The following ALS2 variants were observed in gnomAD, a reference collection of about 807,000 sequenced individuals.
ALS2 encodes the protein alsin Rho guanine nucleotide exchange factor ALS2.
A neutral mutation model predicts 203.4 loss-of-function variants in ALS2; 117 were observed. The ratio of observed to expected loss-of-function variants is 0.58; its 90% confidence interval spans 0.50 to 0.67. The LOEUF (loss-of-function observed/expected upper bound fraction) is 0.67. Among genes scored for constraint, ALS2 ranks in the 30% least tolerant of loss-of-function variants. The pLI is 0.00. For missense variants in ALS2, 1,715 were observed against 1,989.4 expected, an observed-to-expected ratio of 0.86 and a Z score of 2.62; for synonymous variants, 718 against 725.9, an observed-to-expected ratio of 0.99 and a Z score of 0.17.
At position 201,723,381 on chromosome 2, in the gene ALS2, AACC is replaced by A; in HGVS notation, c.3570_3572del (p.Val1191del). 6.2e-7 allele frequency: 1 copy of A among 1,614,142 alleles called. No individual in the cohort carries two copies. The highest frequency in any genetic ancestry group is 8.5e-7 in the Non-Finnish European group (1 of 1,179,982). On this transcript the variant is annotated inframe_deletion, in exon 22 of 34. Coordinates refer to ENST00000264276, the MANE Select transcript of ALS2 (RefSeq NM_020919.4). ...CCTCGTAGTATAATCCAAACTGGGT[AACC>A]ACCACACCATTCCCTTGACACACAT...
intron 23 of ALS2, among the ~76,000 whole-genome samples, chr2:201,721,717 A>C (rs1260232165): frequency 3.9e-5 from 6 of 152,234 alleles, no homozygotes; most frequent in Admixed American, 2.0e-4. Context: ...AGGCTGGAGC[A>C]CAGTGCCACG....
In ALS2 at chr2:201,760,250, G is replaced by A. The variant is rs547353543; in HGVS notation, c.1113+631C>T. 57 of 811,958 alleles carry A rather than the reference G, an allele frequency of 7.0e-5. No individual in the cohort carries two copies. In the East Asian group the frequency reaches 6.1e-3, roughly 87 times the overall value. 50.3% of individuals were successfully genotyped at this position (811,958 alleles called of 1,614,324 possible). A position where few individuals can be genotyped will look rare whatever the true frequency, so the allele number is the denominator to read the frequency against. ...CGCTTGAACCTGGGAGATCGAGGCTGCAGTGAGCCACAATCGCATTACTGC... is the reference window on the plus strand; with the variant it reads ...CGCTTGAACCTGGGAGATCGAGGCTACAGTGAGCCACAATCGCATTACTGC... On this transcript the variant is annotated intron_variant, in intron 4 of 33. Transcript: ENST00000264276.
Position 201,727,416 on chromosome 2 carries a change from C to T in ALS2, c.2913-138G>A, listed in dbSNP as rs145648881. ...ATGTAAATGCTTGCTTGGTTTTGGG[C>T]GCCACCACGGTGGAAAGAACAAAGA... On this transcript the variant is annotated intron_variant, in intron 16 of 33. Transcript: ENST00000264276. 6.6e-4 allele frequency: 551 copies of T among 835,948 alleles called. No individual in the cohort carries two copies. The African/African-American group carries it at 7.3e-3, about 11-fold the overall frequency. The allele number at this position is 835,948 out of a possible 1,614,324, so 51.8% of individuals were successfully genotyped here.
chr2:201,732,938 A>G (rs1472608292), intron 13 of ALS2, among the ~76,000 whole-genome samples: 1 of 152,222 alleles, frequency 6.6e-6, no homozygotes, highest in African/African-American at 2.4e-5. Context: ...CCAGGGCTTT[A>G]AAGAGCTCTG....
rs775462492 is a variant in ALS2 at position 201,733,443 on chromosome 2, AG to A, written c.2418-6del. The A allele has an allele frequency of 8.1e-6, 13 of 1,612,866 alleles. No individual in the cohort carries two copies. In the South Asian group the frequency reaches 1.4e-4, roughly 18 times the overall value. ...TGGTTTTTATTTAGGAAATCACTAG[AG>A]GCAGAGGAAAAAAAAATTTAGTTAA... On this transcript the variant is annotated splice_region_variant and splice_polypyrimidine_tract_variant and intron_variant, in intron 12 of 33. Coordinates refer to ENST00000264276, the MANE Select transcript of ALS2 (RefSeq NM_020919.4).
Position 201,726,842 on chromosome 2 carries a change from G to A in ALS2, c.3004C>T (p.Gln1002Ter), listed in dbSNP as rs1463942549. The change falls in exon 18 of 34, where the codon CAA becomes TAA. Residue 1002 changes from glutamine (Q) to a stop codon, truncating the protein, a stop_gained. Coordinates refer to ENST00000264276, the MANE Select transcript of ALS2 (RefSeq NM_020919.4). LOFTEE classifies it high-confidence loss of function. ...CCTCTCAAAGCCTGATCTACGGCTT[G>A]GCTTATAGCTCGTAGCCACTTTGTC... is the stretch of plus-strand genomic sequence containing the variant. ...EKTKWLRAIS[Q>*]AVDQALRGMS... 6 of 1,613,894 alleles carry A rather than the reference G, an allele frequency of 3.7e-6. No homozygotes were observed. In the African/African-American group the frequency reaches 8.0e-5, roughly 22 times the overall value.
At chr2:201,758,967 G>A (rs544161756) in intron 4 of ALS2, among the ~76,000 whole-genome samples, 2 of 152,148 alleles carry the variant, frequency 1.3e-5, no homozygotes, top group South Asian at 2.1e-4. Context: ...TTAATAAAAC[G>A]AAAAAGAAAT....
chr2:201,706,255 G>A (rs1355684334), intron 29 of ALS2, among the ~76,000 whole-genome samples: 3 of 151,074 alleles, frequency 2.0e-5, no homozygotes, highest in Non-Finnish European at 3.0e-5. Flanking sequence ...GCATGGTGCC[G>A]TGCGCCTGTA....
Position 201,701,818 on chromosome 2 carries a change from GTAGA to G in ALS2, c.*29_*32del, listed in dbSNP as rs774038233. On this transcript the variant is annotated 3_prime_UTR_variant, in exon 34 of 34. Coordinates refer to ENST00000264276, the MANE Select transcript of ALS2 (RefSeq NM_020919.4). ...CCAGATGGTGTTATAACACTCTGTAGTAGATAATCCAGTTTTCAAGCTGTTATGC... is the reference window on the plus strand; with the variant it reads ...CCAGATGGTGTTATAACACTCTGTAGTAATCCAGTTTTCAAGCTGTTATGC... 5.6e-6 allele frequency: 9 copies of G among 1,606,404 alleles called. No homozygotes were observed. The highest frequency in any genetic ancestry group is 1.7e-4 in the Middle Eastern group (1 of 6,058).
intron 7 of ALS2, 56 bp downstream of exon 7, chr2:201,753,087 CAAT>C: frequency 7.4e-7 from 1 of 1,343,056 alleles, no homozygotes; most frequent in South Asian, 1.2e-5. Flanking sequence ...GAGGGTCCAA[CAAT>C]GTCATGTTGG....
intron 8 of ALS2, among the ~76,000 whole-genome samples, chr2:201,748,793 C>T (rs1298319154): frequency 6.6e-6 from 1 of 152,074 alleles, no homozygotes; most frequent in East Asian, 1.9e-4. Context: ...TTAAGTTCAC[C>T]AAAAGGAAAG....
chr2:201,738,448 C>T, intron 12 of ALS2: 1 of 551,492 alleles, frequency 1.8e-6, no homozygotes, highest in Non-Finnish European at 3.3e-6. Flanking sequence ...GGACCCCGAA[C>T]CTGAGCCTAG....
At position 201,723,416 on chromosome 2, in the gene ALS2, G is replaced by A. The variant is rs928208310; in HGVS notation, c.3538C>T (p.Gln1180Ter). The A allele has an allele frequency of 6.2e-7, 1 of 1,613,960 alleles. No homozygotes were observed. The highest frequency in any genetic ancestry group is 1.3e-5 in the African/African-American group (1 of 74,998). The change falls in exon 22 of 34, where the codon CAA (glutamine) becomes TAA (stop). Residue 1180 changes from glutamine to a stop codon, truncating the protein, a stop_gained. Coordinates refer to ENST00000264276, the MANE Select transcript of ALS2 (RefSeq NM_020919.4). LOFTEE classifies it high-confidence loss of function. ...TRGEKYMGMW[Q>*]DDVCQGNGVV... ...CCATTCCCTTGACACACATCATCTT[G>A]CCACATTCCCATATACTTTTCCCCC...
chr2:201,780,278 A>G (rs1694838470), intron 1 of ALS2, among the ~76,000 whole-genome samples: 1 of 152,224 alleles, frequency 6.6e-6, no homozygotes, highest in Admixed American at 6.5e-5. Context: ...GCTTCTCAAA[A>G]TAACTTATCT....
At chr2:201,770,168 G>A (rs1694312624) in intron 1 of ALS2, among the ~76,000 whole-genome samples, 1 of 152,308 alleles carries the variant, frequency 6.6e-6, no homozygotes, top group East Asian at 1.9e-4. Flanking sequence ...TTATCTATCA[G>A]AGATCATGGA....
chr2:201,724,167 C>T, intron 21 of ALS2, 128 bp downstream of exon 21: 1 of 961,364 alleles, frequency 1.0e-6, no homozygotes, highest in Non-Finnish European at 1.6e-6. Flanking sequence ...TCATTTTTCA[C>T]CTACTCAAAC....
chr2:201,731,650 G>A (rs899889974), intron 13 of ALS2, among the ~76,000 whole-genome samples: 5 of 151,956 alleles, frequency 3.3e-5, no homozygotes, highest in Non-Finnish European at 5.9e-5. Flanking sequence ...CATATATGAC[G>A]TCAAGGCTGT....
chr2:201,747,092 T>C (rs1692712579), intron 8 of ALS2, among the ~76,000 whole-genome samples: 1 of 152,210 alleles, frequency 6.6e-6, no homozygotes, highest in East Asian at 1.9e-4. Context: ...GCCCTACTCT[T>C]GAAGTGACAA....
chr2:201,707,991 C>G lies in ALS2; in HGVS notation c.4281G>C (p.Arg1427Ser), dbSNP rs746790680. ...CTTCAGGCAGCTCAGGAAATAAGAA[C>G]CTAAGGAAGAATAAAAAATATAATT... ...SYLKRIFQLV[R>S]FLFPELPEEG... The change falls in exon 28 of 34, where the codon AGG becomes AGC. Residue 1427 changes from arginine to serine, a missense_variant and splice_region_variant. Arg to Ser is a moderately radical substitution (Grantham distance 110, BLOSUM62 -1). This residue lies in a region of ALS2 where 1,227 missense variants were observed against 1,413.5 expected (regional missense o/e 0.87). Coordinates refer to ENST00000264276, the MANE Select transcript of ALS2 (RefSeq NM_020919.4). 1 of 1,611,140 alleles carries G rather than the reference C, an allele frequency of 6.2e-7. No homozygotes were observed. The highest frequency in any genetic ancestry group is 8.5e-7 in the Non-Finnish European group (1 of 1,178,168).
Sources: gnomAD v4.1 joint callset for allele counts (sites outside exome capture counted in the v4.1 genomes callset) on GRCh38, gnomAD v4.1.1 for gene constraint, gnomAD v4.1.1 regional missense constraint, MANE v1.5 for transcripts, NCBI Gene and HGNC (gene_info 2026-07-23, HGNC 2026-07-21) for gene names.